The following GLG1 variants were observed in gnomAD, a reference collection of about 807,000 sequenced individuals.
The protein encoded by GLG1 is golgi glycoprotein 1.
In GLG1, 38 loss-of-function variants were observed where a neutral mutation model predicts 160.5. The observed-to-expected ratio is 0.24, with a 90% CI of 0.18 to 0.31. The LOEUF is 0.31. Among genes scored for constraint, GLG1 ranks in the 10% least tolerant of loss-of-function variants. GLG1 has a pLI of 1.00. For synonymous variants in GLG1, 644 were observed against 543.4 expected (o/e 1.19, Z -2.57); for missense variants, 1,373 against 1,505.2 (o/e 0.91, Z 1.45).
intron 19 of GLG1, among the ~76,000 whole-genome samples, chr16:74,465,341 C>T (rs563757193): frequency 1.3e-5 from 2 of 152,340 alleles, no homozygotes; most frequent in South Asian, 4.2e-4. Context: ...TAATCGTCCT[C>T]AAAACCAATC....
At position 74,568,385 on chromosome 16, in the gene GLG1, A is replaced by G. The variant is rs564924091; in HGVS notation, c.439-36232T>C. Among the ~76,000 whole-genome samples, 34 of 147,026 alleles carry G rather than the reference A, an allele frequency of 2.3e-4. 1 individual carries two copies. Among genetic ancestry groups the G allele is most frequent in the African/African-American group, 8.4e-4 (33 of 39,398 alleles). ...CTTTTTACTTAAATCTCACTCTGAT[A>G]AAGCAGAAAGAAGTATCAGAATAAT... On this transcript the variant is annotated intron_variant, in intron 1 of 25. Transcript: ENST00000422840.
intron 2 of GLG1, among the ~76,000 whole-genome samples, chr16:74,512,357 G>GTATCATTAAAAAA (rs2016841101): frequency 2.0e-5 from 3 of 150,568 alleles, no homozygotes; most frequent in African/African-American, 7.3e-5. Flanking sequence ...TCCGCCCCCC[G>GTATCATTAAAAAA]GGTTCAAGCA....
intron 2 of GLG1, among the ~76,000 whole-genome samples, chr16:74,520,574 T>C (rs1038850054): frequency 6.6e-6 from 1 of 152,028 alleles, no homozygotes; most frequent in Admixed American, 6.6e-5. Flanking sequence ...GGGCGGTGGT[T>C]GCAGTGAGCC....
chr16:74,452,529 A>C lies in GLG1; in HGVS notation c.*638T>G. ...GACCAGCAGTGGCTGATTAGGGTGG[A>C]AACTGGAAAGCGTCACTGTCTCAGC... On this transcript the variant is annotated 3_prime_UTR_variant, in exon 26 of 26. Transcript: ENST00000422840. 2.0e-6 allele frequency: 2 copies of C among 1,014,844 alleles called. No individual in the cohort carries two copies. Among genetic ancestry groups the C allele is most frequent in the Non-Finnish European group, 2.4e-6 (2 of 846,752 alleles). 62.9% of individuals were successfully genotyped at this position (1,014,844 alleles called of 1,614,324 possible).
In GLG1 at chr16:74,503,613, T is replaced by A; in HGVS notation, c.692A>T (p.Tyr231Phe). The A allele has an allele frequency of 6.2e-7, 1 of 1,613,334 alleles. No individual in the cohort carries two copies. The highest frequency in any genetic ancestry group is 8.5e-7 in the Non-Finnish European group (1 of 1,179,268). ...ATCCATGAAGCCACAGATTAAACGG[T>A]AATCACTAAAAATGATGGCCGTCAT... is the stretch of plus-strand genomic sequence containing the variant. The part of the protein sequence containing the change: ...TKMTAIIFSD[Y>F]RLICGFMDDC... Residue 231 changes from tyrosine (Y) to phenylalanine (F), a missense_variant, in exon 4 of 26, where the codon TAC (tyrosine) becomes TTC (phenylalanine). Tyr to Phe is a conservative substitution (Grantham distance 22). Transcript: ENST00000422840.
At chr16:74,530,969 A>G (rs530185509) in intron 2 of GLG1, among the ~76,000 whole-genome samples, 12 of 152,292 alleles carry the variant, frequency 7.9e-5, no homozygotes, top group African/African-American at 2.9e-4. Context: ...AGCATTTTCT[A>G]TTAACAAATA....
chr16:74,456,532 G>C lies in GLG1; in HGVS notation c.3372+117C>G. 4.2e-6 allele frequency: 3 copies of C among 716,390 alleles called. No homozygotes were observed. In the South Asian group the frequency reaches 4.6e-5, roughly 11 times the overall value. The allele number at this position is 716,390 out of a possible 1,614,324, so 44.4% of individuals were successfully genotyped here. ...AAGACCAGTGCGATATCTAAAAGAG[G>C]CTGGACAGCCACAGCGAGGAGAGTG... On this transcript the variant is annotated intron_variant, in intron 25 of 25. Transcript: ENST00000422840.
intron 1 of GLG1, among the ~76,000 whole-genome samples, chr16:74,578,476 T>A (rs576202806): frequency 4.2e-4 from 64 of 152,286 alleles, no homozygotes; most frequent in African/African-American, 1.1e-3. Flanking sequence ...CTAATTTTTT[T>A]AAAAAAATCA....
chr16:74,486,045 GT>G, intron 8 of GLG1, 128 bp from the exon 9 acceptor site: 1 of 661,588 alleles, frequency 1.5e-6, no homozygotes, highest in Non-Finnish European at 2.5e-6. Context: ...GTCTACAGTT[GT>G]CACTAGCCAA....
At chr16:74,506,223 C>A (rs996609822) in intron 3 of GLG1, among the ~76,000 whole-genome samples, 1 of 151,394 alleles carries the variant, frequency 6.6e-6, no homozygotes, top group Non-Finnish European at 1.5e-5. Flanking sequence ...TGGCAGACAC[C>A]CACTTAATGA....
intron 1 of GLG1, among the ~76,000 whole-genome samples, chr16:74,543,359 T>TG (rs2017956138): frequency 6.6e-6 from 1 of 152,210 alleles, no homozygotes; most frequent in Non-Finnish European, 1.5e-5. Context: ...CTCAGCTACT[T>TG]GGGAGGCTGA....
intron 1 of GLG1, among the ~76,000 whole-genome samples, chr16:74,540,851 T>A (rs1639407377): frequency 6.6e-6 from 1 of 152,180 alleles, no homozygotes; most frequent in African/African-American, 2.4e-5. Context: ...CACACAGCTA[T>A]CAAGAGATAA....
At chr16:74,474,806 G>C (rs760574782) in intron 12 of GLG1, among the ~76,000 whole-genome samples, 174 bp from the exon 13 acceptor site, 1 of 152,116 alleles carries the variant, frequency 6.6e-6, no homozygotes, top group Non-Finnish European at 1.5e-5. Context: ...GACTGAGATT[G>C]TTGAAAAGAT....
At position 74,529,206 on chromosome 16, in the gene GLG1, T is replaced by G. The variant is rs184577783; in HGVS notation, c.471+2915A>C. Among the ~76,000 whole-genome samples, 15 of 152,220 alleles carry G rather than the reference T, an allele frequency of 9.9e-5. No homozygotes were observed. In the East Asian group the frequency reaches 2.3e-3, roughly 24 times the overall value. On this transcript the variant is annotated intron_variant, in intron 2 of 25. Transcript: ENST00000422840. ...CTGGTCTCGAACTCCTGACCTCAAG[T>G]AATCCACCTGTCTTGACCTCCCAAG...
chr16:74,522,620 G>A (rs560713623), intron 2 of GLG1, among the ~76,000 whole-genome samples: 11 of 152,072 alleles, frequency 7.2e-5, no homozygotes, highest in Non-Finnish European at 1.3e-4. Context: ...ACTGTCAGAC[G>A]TATGTATTAT....
At chr16:74,465,873 C>T (rs2014981953) in intron 18 of GLG1, 60 bp from the exon 19 acceptor site, 10 of 1,428,606 alleles carry the variant, frequency 7.0e-6, no homozygotes, top group Non-Finnish European at 9.8e-6. Flanking sequence ...TCCATGTGTT[C>T]TGATTGAAAC....
At chr16:74,539,004 T>C (rs961524926) in intron 1 of GLG1, among the ~76,000 whole-genome samples, 2 of 151,678 alleles carry the variant, frequency 1.3e-5, no homozygotes, top group African/African-American at 4.9e-5. Context: ...AGATGAGAGG[T>C]AGGCTGTGAA....
In GLG1 at chr16:74,453,229, G is replaced by A; in HGVS notation, c.3478C>T (p.Leu1160=). Residue 1160 remains leucine, a synonymous_variant, in exon 26 of 26, where the codon CTG becomes TTG. Transcript: ENST00000422840. ...VISGSICILF[L]IGLMCGRITK... Reference sequence around the variant, plus strand: ...ATCCGTCCACACATCAGGCCAATCAGGAACAATATACAGATGCTCCCACTG... The same window carrying A: ...ATCCGTCCACACATCAGGCCAATCAAGAACAATATACAGATGCTCCCACTG... The A allele has an allele frequency of 3.7e-6, 6 of 1,614,004 alleles. No homozygotes were observed. The highest frequency in any genetic ancestry group is 5.1e-6 in the Non-Finnish European group (6 of 1,179,904).
chr16:74,558,052 A>G (rs2018400873), intron 1 of GLG1, among the ~76,000 whole-genome samples: 1 of 152,236 alleles, frequency 6.6e-6, no homozygotes, highest in Non-Finnish European at 1.5e-5. Context: ...GTAGGTAGTT[A>G]AAAATTTAAA....
Sources: gnomAD v4.1 joint callset for allele counts (sites outside exome capture counted in the v4.1 genomes callset) on GRCh38, gnomAD v4.1.1 for gene constraint, MANE v1.5 for transcripts, NCBI Gene and HGNC (gene_info 2026-07-23, HGNC 2026-07-21) for gene names.